RCAN2: variants seen among roughly 807,000 people sequenced by gnomAD.
RCAN2 encodes the protein regulator of calcineurin 2, also known as calcipressin-2.
Under a neutral mutation model 23.6 loss-of-function variants are expected in RCAN2, and 9 were observed. The ratio of observed to expected loss-of-function variants is 0.38; its 90% CI spans 0.23 to 0.67. The LOEUF (loss-of-function observed/expected upper bound fraction) is 0.67. Among genes scored for constraint, RCAN2 ranks in the 30% least tolerant of loss-of-function variants. RCAN2 has a pLI of 0.51. For missense variants in RCAN2, 273 were observed against 302.3 expected, an observed-to-expected ratio of 0.90 and a Z score of 0.72; for synonymous variants, 109 against 115.7, an observed-to-expected ratio of 0.94 and a Z score of 0.37.
chr6:46,446,125 T>C lies in RCAN2; in HGVS notation c.225+10627A>G, dbSNP rs146345784. On this transcript the variant is annotated intron_variant, in intron 2 of 4. Coordinates refer to ENST00000371374, the MANE Select transcript of RCAN2 (RefSeq NM_001251974.2). ...ACAATAAAATATATTATAATCAAAT[T>C]GTCAAAAATCAAAGATAAAAAGAGG... Among the ~76,000 whole-genome samples, 738 of 148,008 alleles carry C rather than the reference T, an allele frequency of 5.0e-3. 6 individuals are homozygous for C. Among genetic ancestry groups the C allele is most frequent in the African/African-American group, 0.018 (704 of 40,078 alleles).
intron 2 of RCAN2, among the ~76,000 whole-genome samples, chr6:46,365,692 C>T (rs540807100): frequency 6.6e-6 from 1 of 152,076 alleles, no homozygotes; most frequent in Non-Finnish European, 1.5e-5. Context: ...ATTTTATAGT[C>T]TCAAATTTTA....
intron 4 of RCAN2, among the ~76,000 whole-genome samples, chr6:46,232,911 G>C (rs753638028): frequency 5.9e-5 from 9 of 151,932 alleles, no homozygotes; most frequent in Non-Finnish European, 1.3e-4. Context: ...TTCTGTGTTT[G>C]GGTGGTGACG....
chr6:46,476,238 C>T (rs1424321800), intron 1 of RCAN2, among the ~76,000 whole-genome samples: 2 of 152,142 alleles, frequency 1.3e-5, no homozygotes, highest in East Asian at 3.9e-4. Context: ...TGAAGACCCC[C>T]TGAATCTTGA....
chr6:46,386,002 C>T (rs1765734295), intron 2 of RCAN2, among the ~76,000 whole-genome samples: 1 of 151,700 alleles, frequency 6.6e-6, no homozygotes, highest in African/African-American at 2.4e-5. Flanking sequence ...AATTGCAACA[C>T]ATGCAAAAAT....
At chr6:46,302,530 C>CTTT (rs922930142) in intron 2 of RCAN2, among the ~76,000 whole-genome samples, 8 of 152,056 alleles carry the variant, frequency 5.3e-5, no homozygotes, top group African/African-American at 1.9e-4. Context: ...ATAAATTACG[C>CTTT]TTTTTGCAAG....
intron 2 of RCAN2, among the ~76,000 whole-genome samples, chr6:46,454,094 C>G (rs959667111): frequency 7.2e-5 from 11 of 152,142 alleles, no homozygotes; most frequent in Non-Finnish European, 1.5e-4. Flanking sequence ...TTCTTTTCCC[C>G]CTGCCTAAAA....
chr6:46,442,178 C>T lies in RCAN2; in HGVS notation c.225+14574G>A, dbSNP rs543245937. 5.3e-5 allele frequency among the ~76,000 whole-genome samples: 8 copies of T among 152,340 alleles called. No homozygotes were observed. In the South Asian group the frequency reaches 1.4e-3, roughly 28 times the overall value. On this transcript the variant is annotated intron_variant, in intron 2 of 4. Transcript: ENST00000371374. ...TAAAGAAAATAATAATGATAAAGCTCATCCTAACCCTGGGTTCTATCTCTG... is the reference window on the plus strand; with the variant it reads ...TAAAGAAAATAATAATGATAAAGCTTATCCTAACCCTGGGTTCTATCTCTG...
chr6:46,223,084 CAG>C lies in RCAN2; in HGVS notation c.*55_*56del. ...AAAGGCAATTTTTTTTGACAAACAA[CAG>C]GGGGAAAAAGCATGATAAAGAGGAG... On this transcript the variant is annotated 3_prime_UTR_variant, in exon 5 of 5. Transcript: ENST00000371374. The C allele has an allele frequency of 3.8e-6, 6 of 1,577,614 alleles. No homozygotes were observed. Among genetic ancestry groups the C allele is most frequent in the South Asian group, 1.2e-5 (1 of 86,594 alleles).
At chr6:46,432,100 AAGTTGT>A (rs1256580344) in intron 2 of RCAN2, among the ~76,000 whole-genome samples, 1 of 152,250 alleles carries the variant, frequency 6.6e-6, no homozygotes, top group Non-Finnish European at 1.5e-5. Flanking sequence ...GATGATTTAT[AAGTTGT>A]AGTTACAAAC....
At chr6:46,266,961 C>A (rs1191660584) in intron 2 of RCAN2, among the ~76,000 whole-genome samples, 1 of 152,086 alleles carries the variant, frequency 6.6e-6, no homozygotes, top group Non-Finnish European at 1.5e-5. Context: ...CAAGAATCCT[C>A]CCTGATATAG....
chr6:46,452,450 G>A (rs1448422604), intron 2 of RCAN2, among the ~76,000 whole-genome samples: 6 of 152,164 alleles, frequency 3.9e-5, no homozygotes, highest in African/African-American at 1.2e-4. Context: ...CATCATCAGT[G>A]TCCTTACTCC....
At chr6:46,474,033 T>C (rs991407860) in intron 1 of RCAN2, among the ~76,000 whole-genome samples, 4 of 152,122 alleles carry the variant, frequency 2.6e-5, no homozygotes, top group Non-Finnish European at 4.4e-5. Context: ...ACTGTGATTA[T>C]GCAGGGACAC....
In RCAN2 at chr6:46,223,041, C is replaced by T. The variant is rs1203577551; in HGVS notation, c.*100G>A. 1.5e-6 allele frequency: 2 copies of T among 1,305,156 alleles called. No homozygotes were observed. Among genetic ancestry groups the T allele is most frequent in the South Asian group, 1.4e-5 (1 of 72,684 alleles). 80.8% of individuals were successfully genotyped at this position (1,305,156 alleles called of 1,614,324 possible). ...ATAACAAGGAAGGAATCTCAAACAA[C>T]CAAACACCCAGGAATTTAAAGGCAA... is the stretch of plus-strand genomic sequence containing the variant. On this transcript the variant is annotated 3_prime_UTR_variant, in exon 5 of 5. Coordinates refer to ENST00000371374, the MANE Select transcript of RCAN2 (RefSeq NM_001251974.2).
chr6:46,367,019 ATGG>A (rs1561876951), intron 2 of RCAN2, among the ~76,000 whole-genome samples: 2 of 102,816 alleles, frequency 1.9e-5, no homozygotes, highest in East Asian at 4.2e-4. Context: ...GTTATCTGGG[ATGG>A]ATATATATAT....
chr6:46,388,498 T>G (rs1269657405), intron 2 of RCAN2, among the ~76,000 whole-genome samples: 1 of 152,134 alleles, frequency 6.6e-6, no homozygotes, highest in Non-Finnish European at 1.5e-5. Context: ...TACATGCACA[T>G]GTATGTTTAT....
intron 2 of RCAN2, among the ~76,000 whole-genome samples, chr6:46,273,766 A>T (rs1305570800): frequency 6.6e-6 from 1 of 152,222 alleles, no homozygotes; most frequent in African/African-American, 2.4e-5. Flanking sequence ...GGCTGTGTCC[A>T]TCTATGGCAT....
intron 2 of RCAN2, among the ~76,000 whole-genome samples, chr6:46,443,435 T>C (rs1212540515): frequency 6.6e-6 from 1 of 152,130 alleles, no homozygotes. Flanking sequence ...TTAGCTTTTA[T>C]TGTTACCTTT....
At chr6:46,317,731 T>C (rs563352858) in intron 2 of RCAN2, among the ~76,000 whole-genome samples, 8 of 152,246 alleles carry the variant, frequency 5.3e-5, no homozygotes, top group East Asian at 1.9e-4. Context: ...TCCCAAAGTG[T>C]TGGGATTACA....
rs117931886 is a variant in RCAN2 at position 46,443,400 on chromosome 6, C to T, written c.225+13352G>A. ...ATTTTCCAACCAGCCTTAATGTTTT[C>T]TAGGTTCTTCCAGAGTTCGAGATTT... On this transcript the variant is annotated intron_variant, in intron 2 of 4. Transcript: ENST00000371374. 2.5e-4 allele frequency among the ~76,000 whole-genome samples: 38 copies of T among 152,146 alleles called. No individual in the cohort carries two copies. The East Asian group carries it at 7.3e-3, about 29-fold the overall frequency.
Sources: allele counts gnomAD v4.1 joint callset (sites outside exome capture counted in the v4.1 genomes callset), GRCh38; gene constraint gnomAD v4.1.1; transcripts MANE v1.5; gene names NCBI Gene and HGNC (gene_info 2026-07-23, HGNC 2026-07-21).